LRRFIP1: variants seen among roughly 807,000 people sequenced by gnomAD.
LRRFIP1 encodes LRR binding FLII interacting protein 1, also known as leucine-rich repeat flightless-interacting protein 1.
Under a neutral mutation model 104.4 loss-of-function variants are expected in LRRFIP1, and 62 were observed. The ratio of observed to expected loss-of-function variants is 0.59; its 90% CI spans 0.48 to 0.73. The LOEUF (loss-of-function observed/expected upper bound fraction) is 0.73, where lower values mean the gene tolerates loss of function less well. Ranked by LOEUF, LRRFIP1 falls within the 30% of genes least tolerant of loss-of-function variation. LRRFIP1 has a pLI of 0.00. For missense variants in LRRFIP1, 796 were observed against 824.5 expected, an observed-to-expected ratio of 0.97 and a Z score of 0.42; for synonymous variants, 300 against 299.0, an observed-to-expected ratio of 1.00 and a Z score of -0.03.
At chr2:237,720,902 T>G (rs2094514488) in intron 6 of LRRFIP1, 80 bp downstream of exon 6, 2 of 1,238,652 alleles carry the variant, frequency 1.6e-6, no homozygotes, top group African/African-American at 1.5e-5. Context: ...GCATTCTGAT[T>G]TCTTCTTCAT....
At chr2:237,751,312 A>G (rs1403776624) in intron 14 of LRRFIP1, 41 bp downstream of exon 14, 3 of 1,451,614 alleles carry the variant, frequency 2.1e-6, no homozygotes, top group Non-Finnish European at 2.8e-6. Context: ...TATTAACCCA[A>G]CTTAACTTAA....
At chr2:237,736,855 G>A (rs1431487175) in intron 10 of LRRFIP1, among the ~76,000 whole-genome samples, 1 of 152,320 alleles carries the variant, frequency 6.6e-6, no homozygotes, top group East Asian at 1.9e-4. Context: ...CTCTGCCATC[G>A]TTTCCCTGGA....
chr2:237,743,166 A>G (rs2057351291), intron 11 of LRRFIP1, among the ~76,000 whole-genome samples: 2 of 152,170 alleles, frequency 1.3e-5, no homozygotes, highest in African/African-American at 4.8e-5. Context: ...ATCCAGGGCC[A>G]GTATGAGTGA....
chr2:237,630,263 A>G (rs1292999101), intron 1 of LRRFIP1, among the ~76,000 whole-genome samples: 1 of 152,222 alleles, frequency 6.6e-6, no homozygotes, highest in African/African-American at 2.4e-5. Context: ...AATGGCAAAT[A>G]TCTACTCCTT....
intron 1 of LRRFIP1, among the ~76,000 whole-genome samples, chr2:237,638,683 G>A (rs1373692430): frequency 3.9e-5 from 6 of 152,226 alleles, no homozygotes; most frequent in Admixed American, 3.9e-4. Context: ...GGATCTGCAT[G>A]TCAAATTAAC....
chr2:237,742,110 G>T (rs138471236), intron 11 of LRRFIP1, among the ~76,000 whole-genome samples: 349 of 152,336 alleles, frequency 2.3e-3, no homozygotes, highest in African/African-American at 7.9e-3. Flanking sequence ...AGACTGAAAT[G>T]ATACAAATTC....
chr2:237,700,159 C>T (rs1575595093), intron 1 of LRRFIP1, among the ~76,000 whole-genome samples: 2 of 152,316 alleles, frequency 1.3e-5, no homozygotes, highest in South Asian at 4.1e-4. Context: ...GCCACTGCAT[C>T]TGAGGGTTGG....
chr2:237,692,522 G>T, intron 1 of LRRFIP1: 1 of 1,520,444 alleles, frequency 6.6e-7, no homozygotes, highest in Non-Finnish European at 8.9e-7. Context: ...GCAGAAGCTG[G>T]TAAGAGGAAA....
chr2:237,764,880 T>A, intron 19 of LRRFIP1: 1 of 985,662 alleles, frequency 1.0e-6, no homozygotes, highest in Non-Finnish European at 1.2e-6. Context: ...CAAATTCATT[T>A]TATAGAAAGA....
rs1267769705 is a variant in LRRFIP1, at chr2:237,780,083, A to G, written c.*551A>G. 6.6e-6 allele frequency: 1 copy of G among 152,278 alleles called. No homozygotes were observed. Among genetic ancestry groups the G allele is most frequent in the African/African-American group, 2.4e-5 (1 of 41,462 alleles). 9.4% of individuals were successfully genotyped at this position (152,278 alleles called of 1,614,324 possible). A position where few individuals can be genotyped will look rare whatever the true frequency, so the allele number is the denominator to read the frequency against. On this transcript the variant is annotated 3_prime_UTR_variant, in exon 24 of 24. Transcript: ENST00000308482. Reference sequence around the variant, plus strand: ...GGAAACAAGGGGGCAGTCTAGAAGTAAAAGTGACCTTAAGAAGACTCTTTA... The same window carrying G: ...GGAAACAAGGGGGCAGTCTAGAAGTGAAAGTGACCTTAAGAAGACTCTTTA...
intron 1 of LRRFIP1, among the ~76,000 whole-genome samples, chr2:237,631,645 C>T (rs939739394): frequency 3.9e-5 from 6 of 152,200 alleles, no homozygotes; most frequent in African/African-American, 1.2e-4. Context: ...TCCTCTCCTA[C>T]CGCATTTCAC....
Position 237,723,596 on chromosome 2 carries a change from T to G in LRRFIP1, c.384+10T>G. 1 of 1,613,914 alleles carries G rather than the reference T, an allele frequency of 6.2e-7. No homozygotes were observed. Among genetic ancestry groups the G allele is most frequent in the Non-Finnish European group, 8.5e-7 (1 of 1,179,844 alleles). ...GGGTCCTTACGCCTGGGTGAGATGGTCGGATATACTTTGCTGTGTGACCTT... is the reference window on the plus strand; with the variant it reads ...GGGTCCTTACGCCTGGGTGAGATGGGCGGATATACTTTGCTGTGTGACCTT... On this transcript the variant is annotated intron_variant, in intron 7 of 23. Transcript: ENST00000308482.
At chr2:237,702,114 C>T (rs1371492930) in intron 1 of LRRFIP1, among the ~76,000 whole-genome samples, 4 of 152,206 alleles carry the variant, frequency 2.6e-5, no homozygotes, top group African/African-American at 7.2e-5. Context: ...CCATTTGTTT[C>T]GGAGGCCCTG....
intron 1 of LRRFIP1, among the ~76,000 whole-genome samples, chr2:237,648,711 A>G (rs1443002065): frequency 7.7e-6 from 1 of 130,014 alleles, no homozygotes; most frequent in South Asian, 2.5e-4. Flanking sequence ...ATCCCCACCC[A>G]CCCCCAGCCC....
intron 1 of LRRFIP1, among the ~76,000 whole-genome samples, chr2:237,644,191 G>A (rs1259213002): frequency 2.0e-5 from 3 of 152,204 alleles, no homozygotes; most frequent in Admixed American, 1.3e-4. Context: ...GTGCACGATC[G>A]GGTTGCATTG....
intron 1 of LRRFIP1, among the ~76,000 whole-genome samples, chr2:237,647,131 A>G (rs1002365730): frequency 2.0e-5 from 3 of 151,806 alleles, no homozygotes; most frequent in South Asian, 2.1e-4. Context: ...CCTTTCTCCA[A>G]TGTTAGCATC....
intron 1 of LRRFIP1, among the ~76,000 whole-genome samples, chr2:237,644,521 G>T (rs2084557225): frequency 6.6e-6 from 1 of 152,204 alleles, no homozygotes; most frequent in Non-Finnish European, 1.5e-5. Context: ...GGTGTTCTTG[G>T]GTTAGAGGCG....
chr2:237,751,163 C>T (rs764678079), intron 13 of LRRFIP1, 37 bp from the exon 14 acceptor site: 2 of 1,481,636 alleles, frequency 1.3e-6, no homozygotes. Context: ...ACCTGTTTTC[C>T]CTTGACATCA....
intron 1 of LRRFIP1, among the ~76,000 whole-genome samples, chr2:237,666,907 G>T (rs2089451014): frequency 2.0e-5 from 2 of 101,270 alleles, no homozygotes; most frequent in Admixed American, 1.1e-4. Flanking sequence ...TTCCCTCCCT[G>T]CCTTCCTGCT....
Sources: gnomAD v4.1 joint callset for allele counts (sites outside exome capture counted in the v4.1 genomes callset) on GRCh38, gnomAD v4.1.1 for gene constraint, MANE v1.5 for transcripts, NCBI Gene and HGNC (gene_info 2026-07-23, HGNC 2026-07-21) for gene names.